Variants in CTTNBP2 observed in about 807,000 individuals in gnomAD.
CTTNBP2 encodes the protein cortactin binding protein 2.
A neutral mutation model predicts 156.9 loss-of-function variants in CTTNBP2; 108 were observed. The ratio of observed to expected loss-of-function variants is 0.69; its 90% CI spans 0.59 to 0.81. The LOEUF (loss-of-function observed/expected upper bound fraction) is 0.81. CTTNBP2 is among the 30% of genes least tolerant of loss of function. The probability of loss-of-function intolerance (pLI) is 0.00; values close to 1 mark genes in which losing one functional copy is unlikely to be tolerated. For missense variants in CTTNBP2, 1,924 were observed against 2,035.4 expected (o/e 0.95, Z 1.05); for synonymous variants, 767 against 751.8 (o/e 1.02, Z -0.33).
At chr7:117,718,302 T>C (rs1794574477) in intron 21 of CTTNBP2, among the ~76,000 whole-genome samples, 183 bp from the exon 22 acceptor site, 1 of 151,856 alleles carries the variant, frequency 6.6e-6, no homozygotes, top group Admixed American at 6.6e-5. Flanking sequence ...TGACAGCAAA[T>C]GCATGAGAAA....
intron 1 of CTTNBP2, among the ~76,000 whole-genome samples, chr7:117,862,497 T>C (rs1803833977): frequency 6.6e-6 from 1 of 152,172 alleles, no homozygotes; most frequent in Non-Finnish European, 1.5e-5. Flanking sequence ...ATAGCAACTT[T>C]TACAAGTAGG....
chr7:117,758,550 T>C (rs2189388), intron 10 of CTTNBP2, among the ~76,000 whole-genome samples: 1 of 151,938 alleles, frequency 6.6e-6, no homozygotes, highest in Non-Finnish European at 1.5e-5. Flanking sequence ...ATAAGTATTT[T>C]TTTTCATCTC....
intron 9 of CTTNBP2, among the ~76,000 whole-genome samples, chr7:117,761,090 T>C (rs1270609737): frequency 6.6e-6 from 1 of 152,166 alleles, no homozygotes; most frequent in Non-Finnish European, 1.5e-5. Context: ...TGAGGCAGGT[T>C]ATAGTTGGAC....
intron 1 of CTTNBP2, among the ~76,000 whole-genome samples, chr7:117,866,480 T>G (rs1804208326): frequency 6.6e-6 from 1 of 152,136 alleles, no homozygotes; most frequent in Non-Finnish European, 1.5e-5. Flanking sequence ...CTCTGGCTCT[T>G]CCCACCAACA....
intron 3 of CTTNBP2, among the ~76,000 whole-genome samples, chr7:117,803,834 C>G (rs1395563586): frequency 6.6e-6 from 1 of 152,050 alleles, no homozygotes; most frequent in Non-Finnish European, 1.5e-5. Context: ...GAAGAAGGAA[C>G]TATATTTTGT....
chr7:117,814,902 C>T (rs991585892), intron 2 of CTTNBP2, among the ~76,000 whole-genome samples: 1 of 152,120 alleles, frequency 6.6e-6, no homozygotes, highest in South Asian at 2.1e-4. Context: ...AGAAATGAAG[C>T]AGTATTATTT....
Position 117,725,220 on chromosome 7 carries a change from T to C in CTTNBP2, c.4093A>G (p.Arg1365Gly), listed in dbSNP as rs763883805. 1.9e-6 allele frequency: 3 copies of C among 1,614,162 alleles called. No homozygotes were observed. The highest frequency in any genetic ancestry group is 2.2e-5 in the East Asian group (1 of 44,884). ...SKLWNGVIAP[R>G]VQEAILSRAS... is the part of the protein sequence containing the mutation. ...CTTGACAATATTGCTTCTTGAACTC[T>C]GGGTGCGATGACGCCATTCCACAGC... Residue 1365 changes from arginine (R) to glycine (G), a missense_variant, in exon 18 of 23, where the codon AGA becomes GGA. By Grantham distance (125) the Arg-to-Gly change is moderately radical. Coordinates refer to ENST00000160373, the MANE Select transcript of CTTNBP2 (RefSeq NM_033427.3).
intron 14 of CTTNBP2, among the ~76,000 whole-genome samples, chr7:117,743,938 AT>A (rs1271368191): frequency 2.0e-5 from 3 of 151,894 alleles, no homozygotes; most frequent in Non-Finnish European, 4.4e-5. Flanking sequence ...TTCTACTGGA[AT>A]TTTCCTGCCC....
rs1304717492 is a variant in CTTNBP2, at chr7:117,725,261, G to A, written c.4056-4C>T. On this transcript the variant is annotated splice_region_variant and splice_polypyrimidine_tract_variant and intron_variant, in intron 17 of 22. Transcript: ENST00000160373. ...ATTCCACAGCTTAGACATCCACCTA[G>A]CAGGAGAGGGACCGATTCATCCCTT... 6.2e-7 allele frequency: 1 copy of A among 1,613,466 alleles called. No homozygotes were observed. The highest frequency in any genetic ancestry group is 8.5e-7 in the Non-Finnish European group (1 of 1,179,380).
intron 22 of CTTNBP2, among the ~76,000 whole-genome samples, chr7:117,717,812 G>A (rs1282669537): frequency 1.3e-5 from 2 of 150,650 alleles, no homozygotes; most frequent in Admixed American, 1.3e-4. Context: ...AGGGAAAAAA[G>A]TAATGCTTTC....
chr7:117,867,415 G>A lies in CTTNBP2; in HGVS notation c.81+5920C>T, dbSNP rs149355619. Among the ~76,000 whole-genome samples, 13 of 152,032 alleles carry A rather than the reference G, an allele frequency of 8.6e-5. 1 individual carries two copies. In the South Asian group the frequency reaches 1.9e-3, roughly 22 times the overall value. ...CTTCACTTGGCAGTTAATCATGTCC[G>A]GCCTTGTGCATTTCCTCATAGTAAA... On this transcript the variant is annotated intron_variant, in intron 1 of 22. Transcript: ENST00000160373.
intron 2 of CTTNBP2, among the ~76,000 whole-genome samples, chr7:117,819,356 TTC>T (rs144262146): frequency 0.046 from 5,889 of 127,040 alleles, 181 homozygotes; most frequent in South Asian, 0.095. Flanking sequence ...TCTTTTCTCC[TTC>T]TCTCTCTCTC....
At chr7:117,716,943 C>G (rs568673726) in intron 22 of CTTNBP2, among the ~76,000 whole-genome samples, 1 of 152,380 alleles carries the variant, frequency 6.6e-6, no homozygotes, top group Admixed American at 6.5e-5. Context: ...TATAATCCTG[C>G]TCTCTGCGCC....
At chr7:117,830,361 G>GGA (rs1801526410) in intron 2 of CTTNBP2, among the ~76,000 whole-genome samples, 1 of 152,122 alleles carries the variant, frequency 6.6e-6, no homozygotes, top group Non-Finnish European at 1.5e-5. Flanking sequence ...CCGACAGCAA[G>GGA]GGCTCCATGG....
In CTTNBP2 at chr7:117,791,199, G is replaced by A. The variant is rs1394673388; in HGVS notation, c.1997C>T (p.Ser666Phe). 1 of 1,614,198 alleles carries A rather than the reference G, an allele frequency of 6.2e-7. No homozygotes were observed. The highest frequency in any genetic ancestry group is 2.2e-5 in the East Asian group (1 of 44,884). Reference protein sequence around the residue: ...LVIPTTIAFCSSINPVSASSC... With the variant: ...LVIPTTIAFCFSINPVSASSC... ...TGAGGCACTAACGGGGTTTATGGAA[G>A]AGCAAAAGGCAATGGTGGTAGGAAT... The change falls in exon 4 of 23, where the codon TCT (serine) becomes TTT (phenylalanine). Residue 666 changes from serine to phenylalanine, a missense_variant. Coordinates refer to ENST00000160373, the MANE Select transcript of CTTNBP2 (RefSeq NM_033427.3).
chr7:117,764,946 GT>G (rs1274202231), intron 9 of CTTNBP2, among the ~76,000 whole-genome samples: 3 of 151,768 alleles, frequency 2.0e-5, no homozygotes, highest in African/African-American at 7.3e-5. Flanking sequence ...GTTTTGTTTT[GT>G]TTTTTTGAGA....
At chr7:117,829,164 T>C (rs1263058820) in intron 2 of CTTNBP2, among the ~76,000 whole-genome samples, 1 of 152,220 alleles carries the variant, frequency 6.6e-6, no homozygotes, top group Non-Finnish European at 1.5e-5. Context: ...CTCTTCTGTG[T>C]AGGTGGCACA....
chr7:117,807,936 C>A (rs1423351502), intron 3 of CTTNBP2, among the ~76,000 whole-genome samples: 2 of 152,224 alleles, frequency 1.3e-5, no homozygotes, highest in African/African-American at 4.8e-5. Flanking sequence ...TCTGCCTTCT[C>A]AATGAACATT....
intron 2 of CTTNBP2, among the ~76,000 whole-genome samples, chr7:117,834,706 C>T (rs1801823387): frequency 6.6e-6 from 1 of 152,186 alleles, no homozygotes; most frequent in Non-Finnish European, 1.5e-5. Context: ...ACACACTTTA[C>T]TTTTTAGTGC....
Sources: gnomAD v4.1 joint callset for allele counts (sites outside exome capture counted in the v4.1 genomes callset) on GRCh38, gnomAD v4.1.1 for gene constraint, MANE v1.5 for transcripts, NCBI Gene and HGNC (gene_info 2026-07-23, HGNC 2026-07-21) for gene names.